Variants in NEGR1 observed in about 807,000 individuals in gnomAD.
NEGR1 encodes IgLON family member 4.
Under a neutral mutation model 40.9 loss-of-function variants are expected in NEGR1, and 10 were observed. The ratio of observed to expected loss-of-function variants is 0.24; its 90% confidence interval spans 0.15 to 0.42. NEGR1 has a LOEUF of 0.42. NEGR1 is among the 10% of genes least tolerant of loss of function. NEGR1 has a pLI of 1.00. For synonymous variants in NEGR1, 185 were observed against 166.8 expected, an observed-to-expected ratio of 1.11 and a Z score of -0.84; for missense variants, 352 against 438.9, an observed-to-expected ratio of 0.80 and a Z score of 1.77.
At chr1:72,069,462 T>G (rs1647371519) in intron 1 of NEGR1, among the ~76,000 whole-genome samples, 1 of 151,886 alleles carries the variant, frequency 6.6e-6, no homozygotes, top group Non-Finnish European at 1.5e-5. Flanking sequence ...GTATGTAAAC[T>G]ATTTACTTAT....
intron 6 of NEGR1, among the ~76,000 whole-genome samples, chr1:71,530,074 C>T (rs1647304986): frequency 6.6e-6 from 1 of 151,092 alleles, no homozygotes; most frequent in South Asian, 2.1e-4. Context: ...TAACTATATC[C>T]ACTTTATCTC....
At chr1:71,985,864 C>T (rs1446878615) in intron 1 of NEGR1, among the ~76,000 whole-genome samples, 1 of 152,124 alleles carries the variant, frequency 6.6e-6, no homozygotes, top group African/African-American at 2.4e-5. Context: ...TTTTGCTTCA[C>T]CATACTTGGA....
At chr1:72,062,310 T>A (rs1327411415) in intron 1 of NEGR1, among the ~76,000 whole-genome samples, 1 of 151,886 alleles carries the variant, frequency 6.6e-6, no homozygotes, top group Non-Finnish European at 1.5e-5. Flanking sequence ...TCCAGAATCC[T>A]CCAGGCAGAA....
chr1:71,798,907 T>C (rs1657441470), intron 2 of NEGR1, among the ~76,000 whole-genome samples: 1 of 152,164 alleles, frequency 6.6e-6, no homozygotes, highest in Non-Finnish European at 1.5e-5. Flanking sequence ...TGTAAACAGT[T>C]TATATAAGTA....
chr1:71,567,724 C>T (rs139731328), intron 6 of NEGR1, among the ~76,000 whole-genome samples: 8 of 152,234 alleles, frequency 5.3e-5, no homozygotes, highest in South Asian at 4.1e-4. Context: ...GTCCCCCCTC[C>T]GCCTCAAATT....
At chr1:71,742,762 T>C (rs1335429981) in intron 3 of NEGR1, among the ~76,000 whole-genome samples, 2 of 152,330 alleles carry the variant, frequency 1.3e-5, no homozygotes, top group Middle Eastern at 3.4e-3. Context: ...CTTTAGACTT[T>C]AGTGTTGATG....
chr1:71,931,501 A>G (rs1645855211), intron 2 of NEGR1, among the ~76,000 whole-genome samples: 1 of 152,160 alleles, frequency 6.6e-6, no homozygotes. Flanking sequence ...GCATAGTACC[A>G]GCATCTTCCA....
chr1:71,473,734 G>T (rs554659862), intron 6 of NEGR1, among the ~76,000 whole-genome samples: 1 of 152,142 alleles, frequency 6.6e-6, no homozygotes, highest in East Asian at 1.9e-4. Context: ...TGGAGAATGG[G>T]GAGCAGTGGG....
rs78629385 is a variant in NEGR1, at chr1:71,746,382, T to C, written c.535+29790A>G. On this transcript the variant is annotated intron_variant, in intron 3 of 6. Transcript: ENST00000357731. ...AAATTGTGAGATTTCTAACACGGGA[T>C]AGCAAACTTAGATAGGTGTTTCAGC... Among the ~76,000 whole-genome samples the C allele has an allele frequency of 2.0e-3, 308 of 152,344 alleles. 1 individual carries two copies. The Middle Eastern group carries it at 0.02, about 10-fold the overall frequency.
chr1:72,243,310 GATAA>G (rs912767871), intron 1 of NEGR1, among the ~76,000 whole-genome samples: 1 of 151,694 alleles, frequency 6.6e-6, no homozygotes, highest in African/African-American at 2.4e-5. Context: ...TAGGTAGGAG[GATAA>G]ATAATCTTCA....
rs56859630 is a variant in NEGR1 at position 71,868,471 on chromosome 1, AATACATACATACATAC to A, written c.409+66592_409+66607del. 6.3e-3 allele frequency among the ~76,000 whole-genome samples: 926 copies of A among 148,122 alleles called. 6 individuals are homozygous for A. Among genetic ancestry groups the A allele is most frequent in the African/African-American group, 0.021 (835 of 39,810 alleles). ...GATAGATAGATAGATAGATAGACAG[AATACATACATACATAC>A]ATACATACATACATACATACATACA... On this transcript the variant is annotated intron_variant, in intron 2 of 6. Coordinates refer to ENST00000357731, the MANE Select transcript of NEGR1 (RefSeq NM_173808.3).
intron 4 of NEGR1, among the ~76,000 whole-genome samples, chr1:71,659,230 G>A (rs1570163116): frequency 2.6e-5 from 4 of 152,138 alleles, no homozygotes; most frequent in African/African-American, 9.7e-5. Flanking sequence ...AAAGAGTTAA[G>A]CCAATTGTGT....
intron 6 of NEGR1, among the ~76,000 whole-genome samples, chr1:71,422,067 G>A (rs1212531291): frequency 3.9e-5 from 6 of 151,944 alleles, no homozygotes; most frequent in Admixed American, 6.6e-5. Context: ...ACATGTGAAC[G>A]AGATGATATT....
chr1:71,756,855 A>AG (rs1271729222), intron 3 of NEGR1, among the ~76,000 whole-genome samples: 2 of 152,142 alleles, frequency 1.3e-5, no homozygotes, highest in African/African-American at 4.8e-5. Context: ...ATAAAAAAAA[A>AG]AAACCTGGCT....
chr1:71,879,623 C>A (rs1313104545), intron 2 of NEGR1, among the ~76,000 whole-genome samples: 1 of 152,114 alleles, frequency 6.6e-6, no homozygotes. Context: ...CAAAAAAGTT[C>A]TAGTTCACCC....
intron 1 of NEGR1, among the ~76,000 whole-genome samples, chr1:72,161,448 T>C (rs1570060264): frequency 1.3e-5 from 2 of 152,058 alleles, no homozygotes; most frequent in East Asian, 2.0e-4. Context: ...GCATCGTTGA[T>C]TGCCATAATT....
intron 3 of NEGR1, among the ~76,000 whole-genome samples, chr1:71,730,009 A>G (rs1483808843): frequency 6.6e-6 from 1 of 152,090 alleles, no homozygotes; most frequent in Non-Finnish European, 1.5e-5. Flanking sequence ...AGTAATTTCA[A>G]AGTGGAAAAA....
At chr1:72,106,588 G>T (rs994176557) in intron 1 of NEGR1, among the ~76,000 whole-genome samples, 17 of 151,954 alleles carry the variant, frequency 1.1e-4, no homozygotes, top group Non-Finnish European at 2.4e-4. Flanking sequence ...AGGATGATTG[G>T]ATTATGCCTT....
intron 6 of NEGR1, among the ~76,000 whole-genome samples, chr1:71,568,848 G>GTT (rs901240655): frequency 3.3e-5 from 5 of 151,040 alleles, no homozygotes; most frequent in African/African-American, 1.2e-4. Flanking sequence ...GTGTGTGTGT[G>GTT]TGTGTGTGTG....
Sources: allele counts gnomAD v4.1 joint callset (sites outside exome capture counted in the v4.1 genomes callset), GRCh38; gene constraint gnomAD v4.1.1; transcripts MANE v1.5; gene names NCBI Gene and HGNC (gene_info 2026-07-23, HGNC 2026-07-21).